The following DRC9 variants were observed in gnomAD, a reference collection of about 807,000 sequenced individuals.
DRC9 encodes the protein dynein regulatory complex subunit 9, also known as dynein regulatory complex protein 9.
the DRC9 span, chr3:197,916,433 C>T: frequency 3.3e-5 from 5 of 152,122 alleles, no homozygotes; most frequent in African/African-American, 1.2e-4. Context: ...AGGTGCATGA[C>T]ATCACACTCA....
the DRC9 span, chr3:197,926,227 G>A: frequency 7.9e-5 from 51 of 643,416 alleles, no homozygotes; most frequent in Admixed American, 1.2e-3. Context: ...ATCTGACTCA[G>A]CAGGTCTGGG....
At chr3:197,923,574 T>A in the DRC9 span, among the ~76,000 whole-genome samples, 194 of 151,916 alleles carry the variant, frequency 1.3e-3, no homozygotes, top group African/African-American at 4.4e-3. Flanking sequence ...TATCAAAAAT[T>A]TAAGAAATTA....
chr3:197,939,193 T>C, the DRC9 span, among the ~76,000 whole-genome samples: 7 of 152,230 alleles, frequency 4.6e-5, no homozygotes, highest in Non-Finnish European at 1.0e-4. Flanking sequence ...GGAACAAGAT[T>C]GGATATTCAA....
At chr3:197,913,349 T>TGTGTGCGTGCGTGCGTGC in the DRC9 span, 2 of 187,994 alleles carry the variant, frequency 1.1e-5, no homozygotes, top group African/African-American at 3.1e-5. Context: ...TGCGTGCGTG[T>TGTGTGCGTGCGTGCGTGC]GTGCGTGCGT....
At chr3:197,946,603 TG>T in the DRC9 span, among the ~76,000 whole-genome samples, 1 of 151,974 alleles carries the variant, frequency 6.6e-6, no homozygotes. Context: ...GGACAGTGAG[TG>T]GTGAGTTTCC....
At chr3:197,934,332 G>C in the DRC9 span, among the ~76,000 whole-genome samples, 1 of 151,858 alleles carries the variant, frequency 6.6e-6, no homozygotes, top group Non-Finnish European at 1.5e-5. Context: ...TTACAGGCAC[G>C]TGCCACCACA....
chr3:197,912,828 C>A, the DRC9 span: 1 of 1,155,138 alleles, frequency 8.7e-7, no homozygotes, highest in African/African-American at 1.5e-5. Flanking sequence ...AGCAGCAGCT[C>A]GGTCGGTAGC....
chr3:197,950,007 T>G, the DRC9 span: 1 of 714,992 alleles, frequency 1.4e-6, no homozygotes. Context: ...AGTAGTACAT[T>G]TTGCAGCCTA....
the DRC9 span, among the ~76,000 whole-genome samples, chr3:197,938,048 G>A: frequency 6.6e-6 from 1 of 152,004 alleles, no homozygotes; most frequent in Non-Finnish European, 1.5e-5. Context: ...GGGCGCGGTG[G>A]CTCACGCCTG....
At chr3:197,892,826 A>G in the DRC9 span, 3 of 1,579,602 alleles carry the variant, frequency 1.9e-6, no homozygotes, top group Non-Finnish European at 2.6e-6. Context: ...GTATGATTCC[A>G]CTTATACGAG....
At chr3:197,938,471 A>C in the DRC9 span, 2 of 981,938 alleles carry the variant, frequency 2.0e-6, no homozygotes, top group African/African-American at 1.6e-5. Flanking sequence ...AGACGATAGC[A>C]GTCAGCCACC....
chr3:197,914,640 C>A, the DRC9 span, among the ~76,000 whole-genome samples: 1 of 151,984 alleles, frequency 6.6e-6, no homozygotes, highest in Admixed American at 6.6e-5. Flanking sequence ...CAGACATATT[C>A]CCTTCCCTCA....
chr3:197,946,363 A>AGAAT, the DRC9 span, among the ~76,000 whole-genome samples: 1 of 141,650 alleles, frequency 7.1e-6, no homozygotes, highest in South Asian at 2.4e-4. Context: ...TGAACCTGGG[A>AGAAT]GGCAGAGCTT....
chr3:197,892,709 T>A, the DRC9 span: 12 of 1,614,098 alleles, frequency 7.4e-6, no homozygotes, highest in Admixed American at 1.8e-4. Flanking sequence ...GTTTCATTTC[T>A]GTGTCCTTAT....
At chr3:197,914,335 C>G in the DRC9 span, among the ~76,000 whole-genome samples, 3 of 152,184 alleles carry the variant, frequency 2.0e-5, no homozygotes, top group African/African-American at 7.2e-5. Context: ...AGGAAGAACA[C>G]TGGTCAAAAT....
the DRC9 span, among the ~76,000 whole-genome samples, chr3:197,922,321 G>A: frequency 6.6e-6 from 1 of 152,274 alleles, no homozygotes; most frequent in South Asian, 2.1e-4. Flanking sequence ...AACAGGTGTG[G>A]TCCTTATGGT....
At chr3:197,900,241 G>A in the DRC9 span, among the ~76,000 whole-genome samples, 1 of 152,224 alleles carries the variant, frequency 6.6e-6, no homozygotes, top group Non-Finnish European at 1.5e-5. This position sits in a 1 kb window ranked among gnomAD's most constrained non-coding sequence, Gnocchi z 4.7. Flanking sequence ...CCCTGGTCCT[G>A]GTGCCTGTGG....
the DRC9 span, among the ~76,000 whole-genome samples, chr3:197,928,341 C>CT: frequency 0.011 from 1,405 of 130,556 alleles, 6 homozygotes; most frequent in East Asian, 0.025. Context: ...TCTGTTCCCT[C>CT]TTTTTTTTTT....
At chr3:197,890,504 C>A in the DRC9 span, among the ~76,000 whole-genome samples, 1 of 151,738 alleles carries the variant, frequency 6.6e-6, no homozygotes, top group African/African-American at 2.4e-5. Flanking sequence ...ATCAGTTGTC[C>A]TAGTACTTTT....
Sources: gnomAD v4.1 joint callset for allele counts (sites outside exome capture counted in the v4.1 genomes callset) on GRCh38, gnomAD v4.1.1 for gene constraint, Gnocchi (gnomAD v3.1) non-coding constraint, MANE v1.5 for transcripts, NCBI Gene and HGNC (gene_info 2026-07-23, HGNC 2026-07-21) for gene names.